The following FOXP2 variants were observed in gnomAD, a reference collection of about 807,000 sequenced individuals.
FOXP2 encodes forkhead box P2, also known as forkhead box protein P2.
FOXP2 carries 12 observed loss-of-function variants against 115.8 expected under a neutral mutation model. The ratio of observed to expected loss-of-function variants is 0.10; its 90% CI spans 0.07 to 0.17. The LOEUF (loss-of-function observed/expected upper bound fraction) is 0.17, where lower values mean the gene tolerates loss of function less well. FOXP2 is among the 10% of genes least tolerant of loss of function. The pLI, the probability that FOXP2 is intolerant of heterozygous loss-of-function variation, is 1.00. For missense variants in FOXP2, 629 were observed against 843.5 expected, an observed-to-expected ratio of 0.75 and a Z score of 3.15; for synonymous variants, 328 against 297.7, an observed-to-expected ratio of 1.10 and a Z score of -1.05.
chr7:114,105,714 G>A (rs1291487212), intron 1 of FOXP2, among the ~76,000 whole-genome samples: 2 of 152,046 alleles, frequency 1.3e-5, no homozygotes, highest in African/African-American at 2.4e-5. Context: ...TGGGTTTGGA[G>A]GTGGCCCAGA....
At chr7:114,179,791 T>C (rs889452017) in intron 1 of FOXP2, among the ~76,000 whole-genome samples, 2 of 152,000 alleles carry the variant, frequency 1.3e-5, no homozygotes, top group Non-Finnish European at 2.9e-5. Flanking sequence ...TGTGGCCAGA[T>C]TATTATAGTG....
Position 114,625,436 on chromosome 7 carries a change from A to G in FOXP2, c.259-3104A>G, listed in dbSNP as rs569293461. Among the ~76,000 whole-genome samples, 10 of 151,984 alleles carry G rather than the reference A, an allele frequency of 6.6e-5. No homozygotes were observed. The East Asian group carries it at 1.9e-3, about 29-fold the overall frequency. On this transcript the variant is annotated intron_variant, in intron 3 of 16. Transcript: ENST00000350908. ...CCGTTAGTCTAACACCGAACTTGCT[A>G]AGGTATATGTATTTCAAAAAAATTG...
chr7:114,374,777 G>A (rs1792100911), intron 2 of FOXP2, among the ~76,000 whole-genome samples: 1 of 152,200 alleles, frequency 6.6e-6, no homozygotes, highest in Non-Finnish European at 1.5e-5. Flanking sequence ...GTAGCGCACA[G>A]TGAGTGGCCT....
At chr7:114,372,224 A>G (rs919841532) in intron 2 of FOXP2, among the ~76,000 whole-genome samples, 1 of 152,208 alleles carries the variant, frequency 6.6e-6, no homozygotes, top group African/African-American at 2.4e-5. Flanking sequence ...TCTTATGAAC[A>G]CCAGGTACTT....
intron 2 of FOXP2, among the ~76,000 whole-genome samples, chr7:114,525,983 G>T (rs1386383535): frequency 1.3e-5 from 2 of 151,664 alleles, no homozygotes; most frequent in Non-Finnish European, 1.5e-5. Flanking sequence ...GTGGTAGCAG[G>T]CACCTCTAAT....
Position 114,642,409 on chromosome 7 carries a change from G to C in FOXP2, c.776-1G>C. On this transcript the variant is annotated splice_acceptor_variant, in intron 6 of 16. Coordinates refer to ENST00000350908, the MANE Select transcript of FOXP2 (RefSeq NM_014491.4). LOFTEE classifies it high-confidence loss of function. ...TAGTGAAGCTTTCTTTCATTTTATAGCTGGCTTAAGTCCTGCTGAGATTCA... is the reference window on the plus strand; with the variant it reads ...TAGTGAAGCTTTCTTTCATTTTATACCTGGCTTAAGTCCTGCTGAGATTCA... 1 of 1,612,750 alleles carries C rather than the reference G, an allele frequency of 6.2e-7. No individual in the cohort carries two copies. The highest frequency in any genetic ancestry group is 8.5e-7 in the Non-Finnish European group (1 of 1,179,220).
rs1222968638 is a variant in FOXP2 at position 114,286,012 on chromosome 7, T to C, written c.-101-2007T>C. Among the ~76,000 whole-genome samples, 3 of 152,034 alleles carry C rather than the reference T, an allele frequency of 2.0e-5. No individual in the cohort carries two copies. The East Asian group carries it at 5.8e-4, about 29-fold the overall frequency. On this transcript the variant is annotated intron_variant, in intron 1 of 17. Coordinates refer to the FOXP2 transcript ENST00000634411. ...GTTTCAGAAAGTTGTTACATGTGTG[T>C]CTCAAAAATATTTGCCTAATTTTTT...
chr7:114,451,406 G>A (rs1795067406), intron 2 of FOXP2, among the ~76,000 whole-genome samples: 1 of 151,972 alleles, frequency 6.6e-6, no homozygotes, highest in Non-Finnish European at 1.5e-5. Context: ...TCAAATTATT[G>A]TTTGATGAAA....
At chr7:114,517,485 T>G (rs1798403255) in intron 2 of FOXP2, among the ~76,000 whole-genome samples, 1 of 152,204 alleles carries the variant, frequency 6.6e-6, no homozygotes, top group African/African-American at 2.4e-5. Context: ...CATTTACAGT[T>G]GTTTATGGTG....
At chr7:114,365,380 G>C (rs940128129) in intron 2 of FOXP2, among the ~76,000 whole-genome samples, 1 of 152,110 alleles carries the variant, frequency 6.6e-6, no homozygotes, top group Admixed American at 6.6e-5. Flanking sequence ...AATGTACACA[G>C]AGAATTCCTG....
chr7:114,296,638 T>C (rs1475770025), intron 2 of FOXP2, among the ~76,000 whole-genome samples: 1 of 152,166 alleles, frequency 6.6e-6, no homozygotes, highest in East Asian at 1.9e-4. Context: ...GAACTTACAA[T>C]AGCATATAAT....
intron 2 of FOXP2, among the ~76,000 whole-genome samples, chr7:114,323,707 T>C (rs1461419237): frequency 6.6e-6 from 1 of 152,024 alleles, no homozygotes; most frequent in Non-Finnish European, 1.5e-5. Flanking sequence ...AAGTTGGTTT[T>C]ATTTAAACAA....
intron 3 of FOXP2, among the ~76,000 whole-genome samples, chr7:114,563,259 C>T (rs1800842436): frequency 6.6e-6 from 1 of 152,184 alleles, no homozygotes; most frequent in Non-Finnish European, 1.5e-5. Flanking sequence ...TGAAATAGTT[C>T]TATTGAATAT....
At position 114,691,581 on chromosome 7, in the gene FOXP2, A is replaced by T; in HGVS notation, c.*1655A>T. ...GTTATGATGTAGTTGAAAATAGCAT[A>T]GTCAGATGTTTGCTTAAAACCTAGA... On this transcript the variant is annotated 3_prime_UTR_variant, in exon 17 of 17. Transcript: ENST00000350908. The T allele has an allele frequency of 2.2e-6, 1 of 454,042 alleles. No individual in the cohort carries two copies. The highest frequency in any genetic ancestry group is 1.6e-5 in the South Asian group (1 of 64,472). The allele number at this position is 454,042 out of a possible 1,614,324, so 28.1% of individuals were successfully genotyped here. A position where few individuals can be genotyped will look rare whatever the true frequency, so the allele number is the denominator to read the frequency against.
chr7:114,389,487 T>C (rs1792534322), intron 2 of FOXP2, among the ~76,000 whole-genome samples: 1 of 152,204 alleles, frequency 6.6e-6, no homozygotes. Context: ...CTGAGAGTGC[T>C]AAGTAAGAAT....
chr7:114,566,664 T>C (rs912322873), intron 3 of FOXP2, among the ~76,000 whole-genome samples: 2 of 152,054 alleles, frequency 1.3e-5, no homozygotes, highest in Non-Finnish European at 2.9e-5. Context: ...TATAAATTAC[T>C]CAGCCTCATG....
chr7:114,157,402 G>GT lies in FOXP2; in HGVS notation c.-246-5541dup, dbSNP rs1296674271. Among the ~76,000 whole-genome samples the GT allele has an allele frequency of 2.0e-5, 3 of 151,998 alleles. No homozygotes were observed. The East Asian group carries it at 5.8e-4, about 29-fold the overall frequency. Reference sequence around the variant, plus strand: ...ATTAAATTGAGGCTTGAAAGGTATGGTAACATTTGGACAAATAGAATTTGA... The same window carrying GT: ...ATTAAATTGAGGCTTGAAAGGTATGGTTAACATTTGGACAAATAGAATTTGA... On this transcript the variant is annotated intron_variant, in intron 1 of 19. Coordinates refer to the FOXP2 transcript ENST00000635638.
At chr7:114,627,209 A>G (rs1266645071) in intron 3 of FOXP2, among the ~76,000 whole-genome samples, 2 of 151,564 alleles carry the variant, frequency 1.3e-5, no homozygotes, top group Non-Finnish European at 3.0e-5. Context: ...TCCATAACAT[A>G]AAGTGCCACA....
At chr7:114,261,336 G>T (rs1038969831) in intron 1 of FOXP2, among the ~76,000 whole-genome samples, 1 of 152,012 alleles carries the variant, frequency 6.6e-6, no homozygotes, top group Non-Finnish European at 1.5e-5. Flanking sequence ...AATCTAAAAT[G>T]TTTCAGGTTT....
Sources: gnomAD v4.1 joint callset for allele counts (sites outside exome capture counted in the v4.1 genomes callset) on GRCh38, gnomAD v4.1.1 for gene constraint, MANE v1.5 for transcripts, NCBI Gene and HGNC (gene_info 2026-07-23, HGNC 2026-07-21) for gene names.